RERE: variants seen among roughly 807,000 people sequenced by gnomAD.
RERE encodes the protein arginine-glutamic acid dipeptide repeats protein.
Under a neutral mutation model 146.1 loss-of-function variants are expected in RERE, and 40 were observed. That is an observed-to-expected ratio of 0.27 (90% CI 0.21 to 0.36). The LOEUF is 0.36. Ranked by LOEUF, RERE falls within the 10% of genes least tolerant of loss-of-function variation. The probability of loss-of-function intolerance (pLI) is 1.00; values close to 1 mark genes in which losing one functional copy is unlikely to be tolerated. For synonymous variants in RERE, 1,003 were observed against 866.0 expected, an observed-to-expected ratio of 1.16 and a Z score of -2.78; for missense variants, 1,933 against 2,138.7, an observed-to-expected ratio of 0.90 and a Z score of 1.90.
chr1:8,797,235 C>A (rs1052281385), intron 1 of RERE, among the ~76,000 whole-genome samples: 1 of 152,006 alleles, frequency 6.6e-6, no homozygotes, highest in African/African-American at 2.4e-5. Flanking sequence ...TAATTGAAAA[C>A]AAATCAGTCA....
intron 3 of RERE, among the ~76,000 whole-genome samples, chr1:8,617,253 A>C (rs953234362): frequency 2.0e-5 from 3 of 147,484 alleles, no homozygotes; most frequent in African/African-American, 7.5e-5. Flanking sequence ...CTGAGGCAGG[A>C]GAATCGCTTG....
intron 4 of RERE, among the ~76,000 whole-genome samples, chr1:8,600,871 C>T (rs926083211): frequency 1.3e-5 from 2 of 151,582 alleles, no homozygotes; most frequent in African/African-American, 4.9e-5. Context: ...TCTCCTGCCT[C>T]AGCCTCCCGA....
At chr1:8,705,587 G>GTCATGGGTGTGATTTTTTT (rs1553137403) in intron 1 of RERE, among the ~76,000 whole-genome samples, 4 of 152,146 alleles carry the variant, frequency 2.6e-5, no homozygotes, top group African/African-American at 9.7e-5. Flanking sequence ...CCGTTTGTAA[G>GTCATGGGTGTGATTTTTTT]TCATGGGTGT....
At chr1:8,505,117 G>A (rs1645233432) in intron 8 of RERE, among the ~76,000 whole-genome samples, 2 of 152,142 alleles carry the variant, frequency 1.3e-5, no homozygotes, top group African/African-American at 4.8e-5. Context: ...ATACACTGGG[G>A]GACTAGGGGA....
At chr1:8,498,418 G>A (rs952644763) in intron 8 of RERE, among the ~76,000 whole-genome samples, 21 of 143,004 alleles carry the variant, frequency 1.5e-4, no homozygotes, top group African/African-American at 4.7e-4. Flanking sequence ...AGTTGAGGCT[G>A]GGCATGGTGG....
chr1:8,532,151 A>G (rs1268586296), intron 7 of RERE, among the ~76,000 whole-genome samples: 1 of 152,236 alleles, frequency 6.6e-6, no homozygotes, highest in Admixed American at 6.5e-5. Context: ...ATAAATTATT[A>G]AGGCATTCTT....
rs918495368 is a variant in RERE at position 8,608,591 on chromosome 1, C to T, written c.522+5970G>A. ...AACAGTGCCTGTAAGTAATAAAGAG[C>T]AATGCACTATCCCTGAAAGAACAAG... On this transcript the variant is annotated intron_variant, in intron 4 of 22. Transcript: ENST00000400908. Among the ~76,000 whole-genome samples the T allele has an allele frequency of 2.0e-5, 3 of 152,208 alleles. No homozygotes were observed. In the South Asian group the frequency reaches 6.2e-4, roughly 32 times the overall value.
intron 1 of RERE, among the ~76,000 whole-genome samples, chr1:8,697,631 C>T (rs560879443): frequency 2.0e-4 from 30 of 152,264 alleles, no homozygotes; most frequent in African/African-American, 5.8e-4. Context: ...CCTCGTGATC[C>T]GCCGCCTCGG....
At chr1:8,473,861 A>T (rs1433217627) in intron 10 of RERE, among the ~76,000 whole-genome samples, 1 of 152,208 alleles carries the variant, frequency 6.6e-6, no homozygotes, top group Non-Finnish European at 1.5e-5. Context: ...CAGTGGTATC[A>T]TCATGGGGAG....
chr1:8,586,678 T>C (rs1646431677), intron 4 of RERE, among the ~76,000 whole-genome samples: 1 of 152,332 alleles, frequency 6.6e-6, no homozygotes, highest in Middle Eastern at 3.4e-3. Flanking sequence ...AGATGCACTA[T>C]ATGAGCAGAT....
At chr1:8,697,487 G>C (rs1354273233) in intron 1 of RERE, among the ~76,000 whole-genome samples, 1 of 148,746 alleles carries the variant, frequency 6.7e-6, no homozygotes, top group Non-Finnish European at 1.5e-5. Context: ...CCGCCTCCCA[G>C]GTTCACGTCA....
Position 8,456,152 on chromosome 1 carries a change from A to G in RERE, c.1203+9773T>C, listed in dbSNP as rs151167153. ...GGACTCTCCCCTGAGCTGAGTCTCA[A>G]AGCCAGGGTATTTGACTCAAGAAAG... is the stretch of plus-strand genomic sequence containing the variant. On this transcript the variant is annotated intron_variant, in intron 11 of 22. Coordinates refer to ENST00000400908, the MANE Select transcript of RERE (RefSeq NM_001042681.2). Among the ~76,000 whole-genome samples, 69 of 152,322 alleles carry G rather than the reference A, an allele frequency of 4.5e-4. 1 individual carries two copies. In the East Asian group the frequency reaches 0.013, roughly 28 times the overall value.
intron 12 of RERE, among the ~76,000 whole-genome samples, chr1:8,388,804 T>G (rs1642779023): frequency 6.6e-6 from 1 of 152,220 alleles, no homozygotes; most frequent in African/African-American, 2.4e-5. Context: ...TACAGATAAT[T>G]TGGAAATGAT....
At chr1:8,607,530 A>ATATATATTTTTTT (rs1646732034) in intron 4 of RERE, among the ~76,000 whole-genome samples, 1 of 57,582 alleles carries the variant, frequency 1.7e-5, no homozygotes, top group East Asian at 9.6e-4. Flanking sequence ...TTTTATATAT[A>ATATATATTTTTTT]TTTCTTTTTT....
intron 4 of RERE, among the ~76,000 whole-genome samples, chr1:8,570,526 T>C (rs1211089409): frequency 6.6e-6 from 1 of 152,178 alleles, no homozygotes; most frequent in Non-Finnish European, 1.5e-5. Flanking sequence ...TCTGGCTTAA[T>C]AAGAAAACAG....
At chr1:8,718,653 C>T (rs1639805970) in intron 1 of RERE, among the ~76,000 whole-genome samples, 1 of 152,178 alleles carries the variant, frequency 6.6e-6, no homozygotes, top group Non-Finnish European at 1.5e-5. Context: ...AACATTTCAT[C>T]CTTAGTTCTG....
chr1:8,508,311 T>C (rs1645284443), intron 8 of RERE, among the ~76,000 whole-genome samples: 1 of 152,202 alleles, frequency 6.6e-6, no homozygotes. Flanking sequence ...TGATTGCCAA[T>C]GCTGCAGAAG....
intron 1 of RERE, among the ~76,000 whole-genome samples, chr1:8,805,300 G>A (rs1182335990): frequency 6.6e-6 from 1 of 152,002 alleles, no homozygotes; most frequent in Non-Finnish European, 1.5e-5. Context: ...ATTGTCTGAG[G>A]TCAAGAGTTC....
chr1:8,508,682 C>T lies in RERE; in HGVS notation c.831-7G>A. ...CTGGGTACTGTTCAGCCTCCTGGAA[C>T]AGAAATAGAGCAGATTAAGTTAGCG... On this transcript the variant is annotated splice_polypyrimidine_tract_variant and splice_region_variant and intron_variant, in intron 7 of 22. Transcript: ENST00000400908. 6.2e-7 allele frequency: 1 copy of T among 1,610,796 alleles called. No homozygotes were observed.
Sources: gnomAD v4.1 joint callset for allele counts (sites outside exome capture counted in the v4.1 genomes callset) on GRCh38, gnomAD v4.1.1 for gene constraint, MANE v1.5 for transcripts, NCBI Gene and HGNC (gene_info 2026-07-23, HGNC 2026-07-21) for gene names.